Variants in HORMAD2 observed in about 807,000 individuals in gnomAD.
The protein encoded by HORMAD2 is HORMA domain containing 2.
A neutral mutation model predicts 38.8 loss-of-function variants in HORMAD2; 45 were observed. The ratio of observed to expected loss-of-function variants is 1.16; its 90% CI spans 0.91 to 1.49. HORMAD2 has a LOEUF of 1.49. Among genes scored for constraint, HORMAD2 ranks in the 40% most tolerant of loss-of-function variants. The pLI, the probability that HORMAD2 is intolerant of heterozygous loss-of-function variation, is 0.00. For synonymous variants in HORMAD2, 126 were observed against 122.8 expected, an observed-to-expected ratio of 1.03 and a Z score of -0.17; for missense variants, 338 against 367.0, an observed-to-expected ratio of 0.92 and a Z score of 0.65.
At chr22:30,186,245 T>A in the HORMAD2 span, among the ~76,000 whole-genome samples, 1 of 152,218 alleles carries the variant, frequency 6.6e-6, no homozygotes. Context: ...TTCTAGAATA[T>A]TTTTCCATTG....
intron 5 of HORMAD2, among the ~76,000 whole-genome samples, chr22:30,109,240 G>A (rs1326175506): frequency 6.6e-6 from 1 of 151,898 alleles, no homozygotes; most frequent in Non-Finnish European, 1.5e-5. Flanking sequence ...CGGCCATGCT[G>A]GTCTCAAACT....
At chr22:30,156,345 A>G (rs1925072265) in intron 10 of HORMAD2, among the ~76,000 whole-genome samples, 2 of 152,208 alleles carry the variant, frequency 1.3e-5, no homozygotes, top group African/African-American at 2.4e-5. Flanking sequence ...AGCATATATT[A>G]TTAGTATTCA....
At chr22:30,190,669 CTG>C in the HORMAD2 span, among the ~76,000 whole-genome samples, 1 of 152,202 alleles carries the variant, frequency 6.6e-6, no homozygotes, top group African/African-American at 2.4e-5. Flanking sequence ...ACTTTGGAAA[CTG>C]TGAAAGTGGC....
At chr22:30,106,420 T>A (rs748765770) in intron 5 of HORMAD2, among the ~76,000 whole-genome samples, 1 of 152,150 alleles carries the variant, frequency 6.6e-6, no homozygotes, top group Non-Finnish European at 1.5e-5. Context: ...AAAAGACAGA[T>A]AATGATCATA....
chr22:30,112,369 T>C, intron 6 of HORMAD2, 127 bp from the exon 7 acceptor site: 1 of 602,758 alleles, frequency 1.7e-6, no homozygotes, highest in Non-Finnish European at 2.9e-6. Context: ...ATCCTATCTC[T>C]AGCTTAAAAT....
At chr22:30,131,821 A>G (rs1325567325) in intron 10 of HORMAD2, among the ~76,000 whole-genome samples, 1 of 152,160 alleles carries the variant, frequency 6.6e-6, no homozygotes, top group Non-Finnish European at 1.5e-5. Flanking sequence ...GAATTCCACA[A>G]AAGAATCCAC....
chr22:30,184,919 T>C, the HORMAD2 span: 9 of 152,254 alleles, frequency 5.9e-5, no homozygotes, highest in Non-Finnish European at 2.9e-5. Flanking sequence ...CAGGGTAACA[T>C]GGAATATTCA....
At chr22:30,168,170 T>G (rs1925897141) in intron 10 of HORMAD2, among the ~76,000 whole-genome samples, 1 of 152,212 alleles carries the variant, frequency 6.6e-6, no homozygotes, top group Non-Finnish European at 1.5e-5. Flanking sequence ...TTCTATACTT[T>G]TACCACTTAA....
intron 5 of HORMAD2, among the ~76,000 whole-genome samples, chr22:30,106,361 G>C (rs1457570006): frequency 6.6e-6 from 1 of 152,044 alleles, no homozygotes; most frequent in African/African-American, 2.4e-5. Context: ...AAAAATATCA[G>C]AGATATTTCA....
the HORMAD2 span, among the ~76,000 whole-genome samples, chr22:30,197,625 A>C: frequency 6.6e-6 from 1 of 152,334 alleles, no homozygotes; most frequent in East Asian, 1.9e-4. Flanking sequence ...CTCAGATACA[A>C]TTACTTTAGT....
At chr22:30,089,237 T>C (rs1362927887) in intron 1 of HORMAD2, among the ~76,000 whole-genome samples, 1 of 152,190 alleles carries the variant, frequency 6.6e-6, no homozygotes, top group Non-Finnish European at 1.5e-5. Flanking sequence ...GAATGGAATA[T>C]CTTTAAAGAA....
chr22:30,115,152 G>T (rs1215432026), intron 7 of HORMAD2, among the ~76,000 whole-genome samples: 1 of 152,038 alleles, frequency 6.6e-6, no homozygotes, highest in East Asian at 1.9e-4. Flanking sequence ...TAAGAGACAG[G>T]CTCTCCCTCC....
intron 10 of HORMAD2, among the ~76,000 whole-genome samples, chr22:30,157,269 T>C (rs1487702089): frequency 6.6e-6 from 1 of 152,200 alleles, no homozygotes; most frequent in African/African-American, 2.4e-5. Flanking sequence ...ACAAAACTGC[T>C]GATGACCTCA....
At chr22:30,124,256 A>AACACACACACACACAC (rs10616156) in intron 10 of HORMAD2, among the ~76,000 whole-genome samples, 3 of 146,480 alleles carry the variant, frequency 2.0e-5, no homozygotes, top group South Asian at 4.4e-4. Context: ...GAATACATGG[A>AACACACACACACACAC]ACACACACAC....
the HORMAD2 span, among the ~76,000 whole-genome samples, chr22:30,203,825 T>G: frequency 1.3e-5 from 2 of 152,188 alleles, no homozygotes; most frequent in African/African-American, 4.8e-5. Context: ...CACACAAACG[T>G]GCACTCTGTA....
In HORMAD2 at chr22:30,089,898, C is replaced by T. The variant is rs544414117; in HGVS notation, c.-37-4018C>T. On this transcript the variant is annotated intron_variant, in intron 1 of 10. Coordinates refer to ENST00000336726, the MANE Select transcript of HORMAD2 (RefSeq NM_152510.4). Reference sequence around the variant, plus strand: ...CTCTTTATTCCTTCTACCCCACCAGCACCTGGTAACCTCTATTCTACTTTC... The same window carrying T: ...CTCTTTATTCCTTCTACCCCACCAGTACCTGGTAACCTCTATTCTACTTTC... 1.1e-4 allele frequency among the ~76,000 whole-genome samples: 17 copies of T among 152,294 alleles called. No individual in the cohort carries two copies. In the South Asian group the frequency reaches 2.9e-3, roughly 26 times the overall value.
intron 10 of HORMAD2, chr22:30,137,703 A>G (rs1923765771): frequency 6.4e-6 from 1 of 157,466 alleles, no homozygotes. Context: ...CCAAAAGGGC[A>G]GCATCATGTT....
intron 8 of HORMAD2, among the ~76,000 whole-genome samples, chr22:30,121,379 T>C (rs180936102): frequency 1.2e-4 from 19 of 152,350 alleles, no homozygotes; most frequent in Non-Finnish European, 2.6e-4. Context: ...ACTGTTGTGG[T>C]ATATGATTTT....
chr22:30,163,562 G>A (rs1279724653), intron 10 of HORMAD2, among the ~76,000 whole-genome samples: 1 of 152,024 alleles, frequency 6.6e-6, no homozygotes, highest in Non-Finnish European at 1.5e-5. Flanking sequence ...GAGTAGCTGG[G>A]ATTACAGGCA....
Sources: gnomAD v4.1 joint callset for allele counts (sites outside exome capture counted in the v4.1 genomes callset) on GRCh38, gnomAD v4.1.1 for gene constraint, MANE v1.5 for transcripts, NCBI Gene and HGNC (gene_info 2026-07-23, HGNC 2026-07-21) for gene names.